INPP5A: variants seen among roughly 807,000 people sequenced by gnomAD.
The protein encoded by INPP5A is 43 kDa inositol polyphosphate 5-phophatase.
INPP5A carries 14 observed loss-of-function variants against 65.2 expected under a neutral mutation model. That is an observed-to-expected ratio of 0.21 (90% CI 0.14 to 0.34). INPP5A has a LOEUF of 0.34. Ranked by LOEUF, INPP5A falls within the 10% of genes least tolerant of loss-of-function variation. The pLI, the probability that INPP5A is intolerant of heterozygous loss-of-function variation, is 1.00. For synonymous variants in INPP5A, 207 were observed against 208.3 expected (o/e 0.99, Z 0.05); for missense variants, 431 against 545.6 (o/e 0.79, Z 2.09).
chr10:132,750,615 G>T (rs1211903530), intron 11 of INPP5A, among the ~76,000 whole-genome samples: 2 of 152,224 alleles, frequency 1.3e-5, no homozygotes, highest in African/African-American at 4.8e-5. Context: ...GTTTATCAGC[G>T]CAAAGAACCA....
At chr10:132,548,096 G>C (rs1195879144) in intron 1 of INPP5A, among the ~76,000 whole-genome samples, 2 of 151,894 alleles carry the variant, frequency 1.3e-5, no homozygotes, top group African/African-American at 4.8e-5. Flanking sequence ...TAGAGACAGG[G>C]TTTCACCGTA....
intron 1 of INPP5A, among the ~76,000 whole-genome samples, chr10:132,542,594 G>T (rs1049517760): frequency 3.3e-5 from 5 of 152,190 alleles, no homozygotes; most frequent in Non-Finnish European, 7.4e-5. Flanking sequence ...GGGTGGGGGG[G>T]TCTCCCCTCC....
chr10:132,749,325 C>A (rs1846428544), intron 9 of INPP5A, among the ~76,000 whole-genome samples, 192 bp from the exon 10 acceptor site: 1 of 149,572 alleles, frequency 6.7e-6, no homozygotes, highest in Admixed American at 6.7e-5. Flanking sequence ...AGCAGCCAGC[C>A]TCAGGCCCTT....
intron 12 of INPP5A, among the ~76,000 whole-genome samples, chr10:132,773,605 G>A (rs1232959219): frequency 2.6e-5 from 4 of 152,186 alleles, no homozygotes; most frequent in African/African-American, 4.8e-5. Flanking sequence ...AGGAGGGAGC[G>A]AGGCCGCCCG....
At chr10:132,720,287 A>G (rs567537585) in intron 8 of INPP5A, among the ~76,000 whole-genome samples, 108 of 145,552 alleles carry the variant, frequency 7.4e-4, no homozygotes, top group African/African-American at 2.2e-3. Flanking sequence ...TGGGTGCCTT[A>G]GACGGCTGTC....
chr10:132,647,571 G>T (rs959508581), intron 3 of INPP5A, among the ~76,000 whole-genome samples: 4 of 152,222 alleles, frequency 2.6e-5, no homozygotes, highest in Admixed American at 2.0e-4. Context: ...CGACCCCAAG[G>T]CTCATTCCGA....
intron 13 of INPP5A, 48 bp from the exon 14 acceptor site, chr10:132,780,801 C>T (rs975245412): frequency 6.7e-7 from 1 of 1,502,320 alleles, no homozygotes; most frequent in Admixed American, 1.7e-5. Flanking sequence ...CAACTGGACC[C>T]AGGGTGCCCC....
At chr10:132,645,256 C>T (rs1040861768) in intron 2 of INPP5A, among the ~76,000 whole-genome samples, 1 of 152,198 alleles carries the variant, frequency 6.6e-6, no homozygotes, top group Non-Finnish European at 1.5e-5. Context: ...ATGCCAGGCT[C>T]AGGTTCCCGG....
rs1288800133 is a variant in INPP5A, at chr10:132,546,188, G to A, written c.75+8017G>A. ...CAGTCGTCCTGGGTGGGTTGGGGCT[G>A]GACACCACTTCTGGGGCAGGTCTAG... On this transcript the variant is annotated intron_variant, in intron 1 of 15. Transcript: ENST00000368594. The surrounding 1 kb of genome is among the most constrained non-coding windows in gnomAD (Gnocchi z 5.7). Among the ~76,000 whole-genome samples, 2 of 152,232 alleles carry A rather than the reference G, an allele frequency of 1.3e-5. No homozygotes were observed. Among genetic ancestry groups the A allele is most frequent in the African/African-American group, 2.4e-5 (1 of 41,458 alleles).
intron 1 of INPP5A, among the ~76,000 whole-genome samples, chr10:132,560,811 A>G (rs907888630): frequency 5.9e-5 from 9 of 151,974 alleles, no homozygotes; most frequent in Non-Finnish European, 2.9e-5. Flanking sequence ...GGGTCTTGCT[A>G]TGCTGTAGTC....
At chr10:132,726,656 C>G (rs1845990925) in intron 8 of INPP5A, among the ~76,000 whole-genome samples, 165 bp from the exon 9 acceptor site, 1 of 152,092 alleles carries the variant, frequency 6.6e-6, no homozygotes, top group Non-Finnish European at 1.5e-5. Context: ...GGGGTGGTCT[C>G]AGAGCTGAAT....
chr10:132,592,686 C>A (rs111585023), intron 1 of INPP5A, among the ~76,000 whole-genome samples: 1 of 152,198 alleles, frequency 6.6e-6, no homozygotes, highest in Non-Finnish European at 1.5e-5. Context: ...GGATCACAGG[C>A]GTGAGCCACC....
intron 1 of INPP5A, among the ~76,000 whole-genome samples, chr10:132,581,096 G>T (rs1005179155): frequency 6.6e-6 from 1 of 152,116 alleles, no homozygotes; most frequent in African/African-American, 2.4e-5. Context: ...TTCGCCTGTC[G>T]GAGGACGCCA....
At chr10:132,647,701 T>C (rs1424313533) in intron 3 of INPP5A, among the ~76,000 whole-genome samples, 2 of 151,986 alleles carry the variant, frequency 1.3e-5, no homozygotes, top group African/African-American at 4.8e-5. Flanking sequence ...GCGGCTGCCT[T>C]GGAGGAGGGT....
chr10:132,576,866 A>C (rs1393047871), intron 1 of INPP5A, among the ~76,000 whole-genome samples: 1 of 152,188 alleles, frequency 6.6e-6, no homozygotes, highest in African/African-American at 2.4e-5. Flanking sequence ...CCCGGGTTTT[A>C]GAGTGAGACT....
At chr10:132,673,973 G>C (rs1332148134) in intron 4 of INPP5A, among the ~76,000 whole-genome samples, 1 of 152,198 alleles carries the variant, frequency 6.6e-6, no homozygotes, top group Admixed American at 6.5e-5. Flanking sequence ...GAGCCCATGG[G>C]TACCCTCCAT....
At chr10:132,648,842 T>C (rs1280811303) in intron 3 of INPP5A, among the ~76,000 whole-genome samples, 1 of 152,268 alleles carries the variant, frequency 6.6e-6, no homozygotes, top group African/African-American at 2.4e-5. Context: ...TGTTGTACTT[T>C]GCTTTGATGT....
intron 11 of INPP5A, among the ~76,000 whole-genome samples, chr10:132,751,284 C>T (rs1846471659): frequency 6.6e-6 from 1 of 152,252 alleles, no homozygotes; most frequent in Non-Finnish European, 1.5e-5. Flanking sequence ...ATGGTCCTTT[C>T]CCCCACTGGG....
At position 132,607,773 on chromosome 10, in the gene INPP5A, C is replaced by T. The variant is rs556791444; in HGVS notation, c.76-142C>T. 1.9e-4 allele frequency: 148 copies of T among 787,538 alleles called. 2 individuals carry two copies. Among genetic ancestry groups the T allele is most frequent in the South Asian group, 1.8e-3 (117 of 63,856 alleles). The allele number at this position is 787,538 out of a possible 1,614,324, so 48.8% of individuals were successfully genotyped here. ...CGCGTGGGCCTGGGGTTTCCCCGTG[C>T]GGGTGGAGCTCCTCCATGCGGGGTG... On this transcript the variant is annotated intron_variant, in intron 1 of 15. Coordinates refer to ENST00000368594, the MANE Select transcript of INPP5A (RefSeq NM_005539.5).
Sources: allele counts gnomAD v4.1 joint callset (sites outside exome capture counted in the v4.1 genomes callset), GRCh38; gene constraint gnomAD v4.1.1; non-coding constraint Gnocchi (gnomAD v3.1); transcripts MANE v1.5; gene names NCBI Gene and HGNC (gene_info 2026-07-23, HGNC 2026-07-21).